Variants in GALNTL6 observed in about 807,000 individuals in gnomAD.
GALNTL6 encodes polypeptide N-acetylgalactosaminyltransferase-like 6.
In GALNTL6, 46 loss-of-function variants were observed where a neutral mutation model predicts 73.7. That is an observed-to-expected ratio of 0.62 (90% CI 0.49 to 0.80). The LOEUF (loss-of-function observed/expected upper bound fraction) is 0.80. Among genes scored for constraint, GALNTL6 ranks in the 30% least tolerant of loss-of-function variants. The probability of loss-of-function intolerance (pLI) is 0.00; values close to 1 mark genes in which losing one functional copy is unlikely to be tolerated. For synonymous variants in GALNTL6, 259 were observed against 263.7 expected (o/e 0.98, Z 0.17); for missense variants, 604 against 755.0 (o/e 0.80, Z 2.34).
chr4:172,753,174 G>A (rs1168626415), intron 5 of GALNTL6, among the ~76,000 whole-genome samples: 1 of 152,080 alleles, frequency 6.6e-6, no homozygotes, highest in Non-Finnish European at 1.5e-5. Flanking sequence ...TAAGTCTCAT[G>A]AGATCTGATG....
At chr4:172,353,109 G>A (rs1741996326) in intron 5 of GALNTL6, among the ~76,000 whole-genome samples, 1 of 152,028 alleles carries the variant, frequency 6.6e-6, no homozygotes, top group African/African-American at 2.4e-5. Flanking sequence ...CTTTCTATAG[G>A]AATTAAAGTT....
At chr4:172,614,495 A>G (rs1451382639) in intron 5 of GALNTL6, among the ~76,000 whole-genome samples, 1 of 152,152 alleles carries the variant, frequency 6.6e-6, no homozygotes, top group Non-Finnish European at 1.5e-5. Flanking sequence ...ATTTTTTTCA[A>G]ATTGAAGTAT....
chr4:172,348,687 G>C lies in GALNTL6; in HGVS notation c.551G>C (p.Arg184Thr). 2.5e-6 allele frequency: 4 copies of C among 1,602,488 alleles called. No individual in the cohort carries two copies. The highest frequency in any genetic ancestry group is 3.4e-6 in the Non-Finnish European group (4 of 1,172,266). ...ATTCTAGTAGATGACTTCAGTGAGA[G>C]AGGTAAGATACAGTTGATAACATTT... Reference protein sequence around the residue: ...EIILVDDFSEREHLKDKLEEY... With the variant: ...EIILVDDFSETEHLKDKLEEY... Residue 184 changes from arginine (R) to threonine (T), a missense_variant and splice_region_variant, in exon 5 of 13, where the codon AGA becomes ACA. Around this residue, in one of 5 missense-constraint regions of GALNTL6, gnomAD observed 179 missense variants for 230.8 expected, o/e 0.78. Transcript: ENST00000506823.
At chr4:172,052,547 C>T in intron 2 of GALNTL6, 1 of 1,512,972 alleles carries the variant, frequency 6.6e-7, no homozygotes, top group African/African-American at 1.4e-5. Flanking sequence ...CGGTAAAAAG[C>T]AAACGGCTGC....
At chr4:172,215,849 T>A (rs1018519162) in intron 2 of GALNTL6, among the ~76,000 whole-genome samples, 1 of 152,126 alleles carries the variant, frequency 6.6e-6, no homozygotes, top group African/African-American at 2.4e-5. Context: ...CCCCCTTTCA[T>A]AGGCATCAAT....
intron 2 of GALNTL6, among the ~76,000 whole-genome samples, chr4:172,183,347 TCC>T (rs2110859912): frequency 6.6e-6 from 1 of 152,330 alleles, no homozygotes; most frequent in Admixed American, 6.5e-5. Context: ...TATAGGGATA[TCC>T]TTAGAGAAAG....
intron 10 of GALNTL6, among the ~76,000 whole-genome samples, chr4:172,974,937 G>C (rs931247030): frequency 6.6e-6 from 1 of 152,216 alleles, no homozygotes; most frequent in Non-Finnish European, 1.5e-5. Flanking sequence ...GGAGACACCA[G>C]GAACCACAGA....
At chr4:172,577,655 G>A (rs1410328845) in intron 5 of GALNTL6, among the ~76,000 whole-genome samples, 1 of 152,084 alleles carries the variant, frequency 6.6e-6, no homozygotes, top group East Asian at 1.9e-4. Context: ...CAAGGATCCT[G>A]CATTAGATGG....
chr4:172,370,110 A>C (rs1383984596), intron 5 of GALNTL6, among the ~76,000 whole-genome samples: 1 of 152,096 alleles, frequency 6.6e-6, no homozygotes, highest in African/African-American at 2.4e-5. Context: ...GATAGGGGTG[A>C]AGAAGGGGCC....
At chr4:172,730,727 T>C (rs1328368022) in intron 5 of GALNTL6, among the ~76,000 whole-genome samples, 2 of 152,198 alleles carry the variant, frequency 1.3e-5, no homozygotes, top group East Asian at 3.9e-4. Context: ...ATTAGGCTAA[T>C]GCTGGTCTTG....
At chr4:171,828,302 A>G in intron 2 of GALNTL6, among the ~76,000 whole-genome samples, 1 of 152,178 alleles carries the variant, frequency 6.6e-6, no homozygotes, top group East Asian at 1.9e-4. Context: ...CTGTCTAGTA[A>G]ATCGCTATCT....
intron 5 of GALNTL6, among the ~76,000 whole-genome samples, chr4:172,541,203 G>A (rs1463625172): frequency 6.6e-6 from 1 of 151,984 alleles, no homozygotes. Context: ...TAGTTTGTAG[G>A]GTACAACTTA....
At chr4:172,524,075 A>G (rs1433737960) in intron 5 of GALNTL6, among the ~76,000 whole-genome samples, 2 of 152,166 alleles carry the variant, frequency 1.3e-5, no homozygotes, top group African/African-American at 4.8e-5. Flanking sequence ...GTAAGCACAT[A>G]TGTCTATAAT....
chr4:171,956,367 T>C (rs905870180), intron 2 of GALNTL6, among the ~76,000 whole-genome samples: 2 of 152,294 alleles, frequency 1.3e-5, no homozygotes, highest in Admixed American at 1.3e-4. Flanking sequence ...CATATATCTT[T>C]GTGGAATTAC....
At chr4:172,879,608 T>C (rs1336695198) in intron 7 of GALNTL6, among the ~76,000 whole-genome samples, 1 of 151,920 alleles carries the variant, frequency 6.6e-6, no homozygotes, top group Non-Finnish European at 1.5e-5. Context: ...CTTATATTTG[T>C]AGTAGTCTGC....
At chr4:172,658,703 G>GCC (rs757167374) in intron 5 of GALNTL6, among the ~76,000 whole-genome samples, 24 of 152,020 alleles carry the variant, frequency 1.6e-4, no homozygotes, top group Non-Finnish European at 2.6e-4. Context: ...AGATGAGGTG[G>GCC]CCCCAGCTAC....
intron 5 of GALNTL6, among the ~76,000 whole-genome samples, chr4:172,764,465 TAC>T (rs1388753938): frequency 1.1e-4 from 16 of 151,972 alleles, no homozygotes; most frequent in African/African-American, 3.9e-4. Flanking sequence ...ATAATTATTG[TAC>T]AGTTATTTTT....
chr4:172,439,500 A>G (rs758532859), intron 5 of GALNTL6, among the ~76,000 whole-genome samples: 1 of 151,066 alleles, frequency 6.6e-6, no homozygotes, highest in African/African-American at 2.4e-5. Flanking sequence ...TCTTCTCCCT[A>G]AGGTTTTGCT....
chr4:172,087,149 A>G (rs770687103), intron 2 of GALNTL6, among the ~76,000 whole-genome samples: 2 of 152,194 alleles, frequency 1.3e-5, no homozygotes, highest in Non-Finnish European at 2.9e-5. Context: ...ATACTCATAC[A>G]ACATAGAGCA....
Sources: gnomAD v4.1 joint callset for allele counts (sites outside exome capture counted in the v4.1 genomes callset) on GRCh38, gnomAD v4.1.1 for gene constraint, gnomAD v4.1.1 regional missense constraint, MANE v1.5 for transcripts, NCBI Gene and HGNC (gene_info 2026-07-23, HGNC 2026-07-21) for gene names.